Variants in TTC17 observed in about 807,000 individuals in gnomAD.
The protein encoded by TTC17 is tetratricopeptide repeat domain 17.
TTC17 carries 58 observed loss-of-function variants against 143.8 expected under a neutral mutation model. The observed-to-expected ratio is 0.40, with a 90% CI of 0.33 to 0.50. The LOEUF is 0.50. Among genes scored for constraint, TTC17 ranks in the 20% least tolerant of loss-of-function variants. TTC17 has a pLI of 0.49. For missense variants in TTC17, 1,273 were observed against 1,392.5 expected (o/e 0.91, Z 1.37); for synonymous variants, 501 against 497.8 (o/e 1.01, Z -0.09).
intron 2 of TTC17, among the ~76,000 whole-genome samples, chr11:43,381,121 A>C (rs1339183683): frequency 6.6e-6 from 1 of 152,208 alleles, no homozygotes; most frequent in African/African-American, 2.4e-5. Context: ...GAAATGAAAA[A>C]TATTGACTCC....
intron 2 of TTC17, among the ~76,000 whole-genome samples, chr11:43,384,352 T>C (rs1330607632): frequency 6.6e-6 from 1 of 152,134 alleles, no homozygotes; most frequent in East Asian, 1.9e-4. Context: ...CTTGTTTTGG[T>C]TTTTTAATTT....
chr11:43,395,306 T>C (rs1469946375), intron 5 of TTC17: 5 of 151,908 alleles, frequency 3.3e-5, no homozygotes. Flanking sequence ...TTCACCATGT[T>C]AGCCAGGATG....
At chr11:43,366,571 C>G (rs1856352165) in intron 1 of TTC17, among the ~76,000 whole-genome samples, 1 of 151,952 alleles carries the variant, frequency 6.6e-6, no homozygotes, top group Non-Finnish European at 1.5e-5. Context: ...ATCCACCATG[C>G]CAGCATGGGA....
At chr11:43,463,843 A>G (rs995282230) in intron 21 of TTC17, among the ~76,000 whole-genome samples, 3 of 152,276 alleles carry the variant, frequency 2.0e-5, no homozygotes, top group African/African-American at 2.4e-5. Flanking sequence ...ATGTAGTTTG[A>G]TATTGCTGCA....
Position 43,407,217 on chromosome 11 carries a change from T to TGA in TTC17, c.1839+4_1839+5dup. 6.3e-7 allele frequency: 1 copy of TGA among 1,588,176 alleles called. No individual in the cohort carries two copies. ...TTCTTATTTCATGCTATTAATAAGG[T>TGA]GAGTCATTTACTTTAGACATCTAAA... On this transcript the variant is annotated splice_region_variant and intron_variant, in intron 14 of 23. Coordinates refer to ENST00000039989, the MANE Select transcript of TTC17 (RefSeq NM_018259.6).
At chr11:43,462,045 A>C (rs79066400) in intron 21 of TTC17, among the ~76,000 whole-genome samples, 1 of 147,450 alleles carries the variant, frequency 6.8e-6, no homozygotes, top group African/African-American at 2.5e-5. Flanking sequence ...CAGTAGTTAC[A>C]TGGAGGAAGA....
At chr11:43,491,447 CTG>C (rs1948473095) in intron 22 of TTC17, 1 of 152,322 alleles carries the variant, frequency 6.6e-6, no homozygotes. Context: ...CACTTGGACT[CTG>C]GAGGCCAGAC....
chr11:43,403,607 G>A (rs772451457), intron 10 of TTC17, among the ~76,000 whole-genome samples: 5 of 152,010 alleles, frequency 3.3e-5, no homozygotes, highest in Admixed American at 1.3e-4. Flanking sequence ...AAGTTCCCTC[G>A]CCTCTACCCA....
At chr11:43,480,187 T>A (rs1948260147) in intron 21 of TTC17, among the ~76,000 whole-genome samples, 2 of 152,214 alleles carry the variant, frequency 1.3e-5, no homozygotes, top group South Asian at 4.1e-4. Flanking sequence ...ATTCACTCAT[T>A]CATTTATTCA....
At chr11:43,427,629 C>G (rs1165725677) in intron 16 of TTC17, among the ~76,000 whole-genome samples, 1 of 152,134 alleles carries the variant, frequency 6.6e-6, no homozygotes, top group Non-Finnish European at 1.5e-5. Context: ...CTTTCAAGAC[C>G]CACTTCCACC....
chr11:43,394,658 G>A (rs1857512216), intron 5 of TTC17, among the ~76,000 whole-genome samples: 1 of 152,178 alleles, frequency 6.6e-6, no homozygotes, highest in Admixed American at 6.5e-5. Context: ...TTCTATTTGG[G>A]CCATGTTAAA....
intron 22 of TTC17, chr11:43,491,611 G>A (rs144702632): frequency 3.7e-4 from 58 of 155,820 alleles, no homozygotes; most frequent in Non-Finnish European, 5.7e-4. Flanking sequence ...TTGCCAACCC[G>A]TAATGATATA....
At chr11:43,406,144 G>A (rs1328782301) in intron 13 of TTC17, among the ~76,000 whole-genome samples, 193 bp downstream of exon 13, 1 of 152,118 alleles carries the variant, frequency 6.6e-6, no homozygotes, top group Non-Finnish European at 1.5e-5. Flanking sequence ...AGAGTTCCTC[G>A]GGGCTGCTAT....
At chr11:43,443,714 T>C (rs926972175) in intron 17 of TTC17, 130 bp downstream of exon 17, 29 of 1,223,004 alleles carry the variant, frequency 2.4e-5, no homozygotes, top group Non-Finnish European at 3.0e-5. Flanking sequence ...AGCCTTCACA[T>C]TGGAATTTTA....
At chr11:43,366,323 G>A (rs1041068144) in intron 1 of TTC17, among the ~76,000 whole-genome samples, 3 of 151,842 alleles carry the variant, frequency 2.0e-5, no homozygotes, top group African/African-American at 7.3e-5. Flanking sequence ...TGGGCAACAT[G>A]GTAAAACCCC....
intron 21 of TTC17, chr11:43,466,425 A>G (rs1481438295): frequency 6.2e-6 from 1 of 161,600 alleles, no homozygotes; most frequent in Non-Finnish European, 1.3e-5. Flanking sequence ...CAACATCACC[A>G]TCAACAGCAA....
At chr11:43,489,444 T>G (rs1948434168) in intron 21 of TTC17, among the ~76,000 whole-genome samples, 1 of 152,038 alleles carries the variant, frequency 6.6e-6, no homozygotes. Context: ...GGAGATTAAA[T>G]TGTTATAATC....
chr11:43,379,456 C>CA, intron 2 of TTC17, 134 bp downstream of exon 2: 2 of 670,366 alleles, frequency 3.0e-6, no homozygotes, highest in Non-Finnish European at 5.0e-6. Flanking sequence ...ATACTACCTG[C>CA]AATGTGTGTG....
intron 16 of TTC17, among the ~76,000 whole-genome samples, chr11:43,439,091 T>C (rs546233074): frequency 2.1e-4 from 32 of 152,352 alleles, no homozygotes; most frequent in African/African-American, 7.5e-4. Context: ...CTTCCTTTCC[T>C]ATGTCTTTGC....
Sources: gnomAD v4.1 joint callset for allele counts (sites outside exome capture counted in the v4.1 genomes callset) on GRCh38, gnomAD v4.1.1 for gene constraint, MANE v1.5 for transcripts, NCBI Gene and HGNC (gene_info 2026-07-23, HGNC 2026-07-21) for gene names.